The following NINL variants were observed in gnomAD, a reference collection of about 807,000 sequenced individuals.
The protein encoded by NINL is ninein like.
A neutral mutation model predicts 160.3 loss-of-function variants in NINL; 153 were observed. The observed-to-expected ratio is 0.95, with a 90% CI of 0.84 to 1.09. NINL has a LOEUF of 1.09. Among genes scored for constraint, NINL ranks in the 50% least tolerant of loss-of-function variants. The pLI is 0.00. For missense variants in NINL, 1,829 were observed against 1,764.0 expected (o/e 1.04, Z -0.66); for synonymous variants, 800 against 734.8 (o/e 1.09, Z -1.43).
At chr20:25,503,681 C>G (rs1027978109) in intron 7 of NINL, among the ~76,000 whole-genome samples, 12 of 152,226 alleles carry the variant, frequency 7.9e-5, no homozygotes, top group Admixed American at 7.9e-4. Context: ...CCCGAACCAC[C>G]CCCATCTTAC....
Position 25,528,552 on chromosome 20 carries a change from A to G in NINL, c.-11-1954T>C, listed in dbSNP as rs73335398. 6.5e-3 allele frequency among the ~76,000 whole-genome samples: 993 copies of G among 152,270 alleles called. 16 individuals carry two copies. Among genetic ancestry groups the G allele is most frequent in the African/African-American group, 0.023 (951 of 41,572 alleles). ...AACAAATACATCAAAATGGTAAGAA[A>G]TGCTTTCATGGTATTACACATTTAT... On this transcript the variant is annotated intron_variant, in intron 1 of 23. Transcript: ENST00000278886.
intron 1 of NINL, among the ~76,000 whole-genome samples, chr20:25,568,232 C>CA (rs11483743): frequency 0.45 from 64,202 of 143,692 alleles, 15,021 homozygotes; most frequent in Admixed American, 0.55. Context: ...TGTCAGATCT[C>CA]AAAAAAAAAA....
chr20:25,560,620 T>C (rs1230368720), intron 1 of NINL, among the ~76,000 whole-genome samples: 2 of 152,086 alleles, frequency 1.3e-5, no homozygotes, highest in Non-Finnish European at 2.9e-5. Context: ...GGGCTGAAGA[T>C]CTCTTTTTCT....
At chr20:25,512,738 C>T in intron 4 of NINL, 96 bp downstream of exon 4, 1 of 1,444,396 alleles carries the variant, frequency 6.9e-7, no homozygotes, top group African/African-American at 1.4e-5. Context: ...GCTGCCCTCC[C>T]CATATCTTGT....
At chr20:25,559,130 G>C (rs1350657887) in intron 1 of NINL, among the ~76,000 whole-genome samples, 1 of 152,220 alleles carries the variant, frequency 6.6e-6, no homozygotes, top group Non-Finnish European at 1.5e-5. Flanking sequence ...CCTAAAAATA[G>C]GGCCACGTAA....
chr20:25,455,642 G>A, intron 23 of NINL, 31 bp downstream of exon 23: 1 of 1,516,914 alleles, frequency 6.6e-7, no homozygotes. Context: ...AAGAGGACGT[G>A]AACACGAAAG....
rs778806939 is a variant in NINL, at chr20:25,467,360, G to A, written c.3423+29C>T. 13 of 1,531,804 alleles carry A rather than the reference G, an allele frequency of 8.5e-6. No individual in the cohort carries two copies. The South Asian group carries it at 1.5e-4, about 17-fold the overall frequency. 94.9% of individuals were successfully genotyped at this position (1,531,804 alleles called of 1,614,324 possible). ...TAATGAAAAAAAGGAATGGTGGCATGAGCTCCATGCCAGGCGTCGATACGT... is the reference window on the plus strand; with the variant it reads ...TAATGAAAAAAAGGAATGGTGGCATAAGCTCCATGCCAGGCGTCGATACGT... On this transcript the variant is annotated intron_variant, in intron 19 of 23. Coordinates refer to ENST00000278886, the MANE Select transcript of NINL (RefSeq NM_025176.6).
At position 25,453,545 on chromosome 20, in the gene NINL, C is replaced by T. The variant is rs765176452; in HGVS notation, c.4055G>A (p.Arg1352Gln). ...GAGGCGGCTTTGTTTCTCGGCGCCT[C>T]GCTGCTTCTCCTCGGTGGCCTGAAG... ...RALQATEEKQ[R>Q]GAEKQSRLLE... The change falls in exon 24 of 24, where the codon CGA becomes CAA. Residue 1352 changes from arginine (R) to glutamine (Q), a missense_variant. By Grantham distance (43) the Arg-to-Gln change is conservative (BLOSUM62 1). Transcript: ENST00000278886. 5.0e-6 allele frequency: 8 copies of T among 1,613,996 alleles called. No homozygotes were observed. In the South Asian group the frequency reaches 7.7e-5, roughly 16 times the overall value.
intron 1 of NINL, among the ~76,000 whole-genome samples, chr20:25,545,750 A>G (rs1273996084): frequency 6.6e-6 from 1 of 152,180 alleles, no homozygotes. Context: ...ACTACAAACT[A>G]TATTTCTTTG....
intron 1 of NINL, among the ~76,000 whole-genome samples, chr20:25,528,189 C>G (rs1463741195): frequency 6.6e-6 from 1 of 151,994 alleles, no homozygotes; most frequent in Non-Finnish European, 1.5e-5. Flanking sequence ...ACCACCGTGC[C>G]CAGCTAATTT....
At chr20:25,499,847 G>C (rs1004960525) in intron 8 of NINL, among the ~76,000 whole-genome samples, 2 of 146,192 alleles carry the variant, frequency 1.4e-5, no homozygotes, top group African/African-American at 2.6e-5. Context: ...TGGCACAGCA[G>C]CAAGAGGACA....
At position 25,462,442 on chromosome 20, in the gene NINL, C is replaced by A; in HGVS notation, c.3523G>T (p.Val1175Leu). Residue 1175 changes from valine (V) to leucine (L), a missense_variant, in exon 20 of 24, where the codon GTG becomes TTG. Transcript: ENST00000278886. ...THQAQNEEHR[V>L]TIQMLTQSLE... ...CTCTGTGTTAACATCTGAATGGTCACACGATGCTCCTCGTTTTGGGCCTGG... is the reference window on the plus strand; with the variant it reads ...CTCTGTGTTAACATCTGAATGGTCAAACGATGCTCCTCGTTTTGGGCCTGG... The A allele has an allele frequency of 6.2e-7, 1 of 1,614,204 alleles. No homozygotes were observed. Among genetic ancestry groups the A allele is most frequent in the Non-Finnish European group, 8.5e-7 (1 of 1,180,042 alleles).
chr20:25,503,814 A>T (rs1319308976), intron 7 of NINL, 138 bp downstream of exon 7: 1 of 1,017,012 alleles, frequency 9.8e-7, no homozygotes, highest in Non-Finnish European at 1.5e-6. Flanking sequence ...TCCCATATAC[A>T]TGCGTGTGTG....
chr20:25,489,113 G>T (rs2063564789), intron 13 of NINL, 131 bp downstream of exon 13: 2 of 887,408 alleles, frequency 2.3e-6, no homozygotes, highest in Non-Finnish European at 3.7e-6. Flanking sequence ...GTGTGGCAAG[G>T]CCATGGTCAA....
chr20:25,558,764 G>C (rs1937127035), intron 1 of NINL, among the ~76,000 whole-genome samples: 3 of 152,332 alleles, frequency 2.0e-5, no homozygotes, highest in South Asian at 4.1e-4. Flanking sequence ...TTTAGGCCAA[G>C]AGCAAGTAGG....
intron 5 of NINL, chr20:25,509,521 C>T (rs2064028812): frequency 8.0e-6 from 3 of 374,434 alleles, no homozygotes; most frequent in South Asian, 6.0e-5. Context: ...TCGGCAAGAC[C>T]TCACTCCTGA....
chr20:25,461,755 G>C, intron 20 of NINL, 120 bp from the exon 21 acceptor site: 1 of 687,280 alleles, frequency 1.5e-6, no homozygotes, highest in African/African-American at 1.8e-5. Flanking sequence ...AAATCCCTGT[G>C]AACCCACCAA....
intron 1 of NINL, among the ~76,000 whole-genome samples, chr20:25,561,864 C>T (rs1309050784): frequency 5.9e-5 from 9 of 151,686 alleles, no homozygotes; most frequent in African/African-American, 2.2e-4. Flanking sequence ...AAGTGAGGAG[C>T]GTCTCCGCCC....
chr20:25,526,739 G>T, intron 1 of NINL, 141 bp from the exon 2 acceptor site: 2 of 774,272 alleles, frequency 2.6e-6, no homozygotes, highest in Non-Finnish European at 4.1e-6. Flanking sequence ...AGGGACCCTT[G>T]CAGGGCCAAG....
Sources: allele counts gnomAD v4.1 joint callset (sites outside exome capture counted in the v4.1 genomes callset), GRCh38; gene constraint gnomAD v4.1.1; transcripts MANE v1.5; gene names NCBI Gene and HGNC (gene_info 2026-07-23, HGNC 2026-07-21).